The following BYSL variants were observed in gnomAD, a reference collection of about 807,000 sequenced individuals.
BYSL encodes the protein bystin like.
Under a neutral mutation model 45.4 loss-of-function variants are expected in BYSL, and 21 were observed. That is an observed-to-expected ratio of 0.46 (90% CI 0.33 to 0.67). BYSL has a LOEUF of 0.67. Ranked by LOEUF, BYSL falls within the 30% of genes least tolerant of loss-of-function variation. The pLI is 0.02. For synonymous variants in BYSL, 215 were observed against 231.3 expected, an observed-to-expected ratio of 0.93 and a Z score of 0.64; for missense variants, 522 against 578.5, an observed-to-expected ratio of 0.90 and a Z score of 1.00.
chr6:41,915,908 TGTA>T, the BYSL span, among the ~76,000 whole-genome samples: 1 of 152,182 alleles, frequency 6.6e-6, no homozygotes, highest in Non-Finnish European at 1.5e-5. Flanking sequence ...CTCATTAAGA[TGTA>T]TGCATTAGAT....
upstream of BYSL, chr6:41,921,230 G>C: frequency 1.5e-6 from 1 of 669,960 alleles, no homozygotes. Context: ...ATCATCTGCG[G>C]ATTCCCGCCC....
chr6:41,920,906 C>T, upstream of BYSL: 2 of 1,484,952 alleles, frequency 1.3e-6, no homozygotes, highest in Non-Finnish European at 1.8e-6. Flanking sequence ...CCGAGGACAT[C>T]TCCCTCAGCT....
intron 1 of BYSL, among the ~76,000 whole-genome samples, chr6:41,924,437 A>G (rs1775536081): frequency 6.6e-6 from 1 of 152,314 alleles, no homozygotes; most frequent in South Asian, 2.1e-4. Context: ...CCATTTAGAC[A>G]GGATTGGGTG....
upstream of BYSL, chr6:41,921,121 G>C (rs1214140560): frequency 5.4e-6 from 8 of 1,476,820 alleles, no homozygotes; most frequent in Admixed American, 1.6e-4. Flanking sequence ...TTCTGTCTCA[G>C]AAGGGACTCC....
intron 1 of BYSL, among the ~76,000 whole-genome samples, chr6:41,924,307 G>A (rs535046219): frequency 6.6e-6 from 1 of 151,948 alleles, no homozygotes; most frequent in South Asian, 2.1e-4. Flanking sequence ...CTGACCTCAG[G>A]TGATCCACCC....
At chr6:41,928,764 C>T (rs554862219) in intron 2 of BYSL, among the ~76,000 whole-genome samples, 1 of 152,168 alleles carries the variant, frequency 6.6e-6, no homozygotes, top group Non-Finnish European at 1.5e-5. Context: ...GAGTTTGACT[C>T]TTACCCCCAC....
At chr6:41,930,051 G>A in intron 2 of BYSL, 81 bp from the exon 3 acceptor site, 1 of 1,556,356 alleles carries the variant, frequency 6.4e-7, no homozygotes, top group Non-Finnish European at 8.8e-7. Flanking sequence ...AGGGGACTGT[G>A]GGGAGTCTGG....
the BYSL span, among the ~76,000 whole-genome samples, chr6:41,910,261 A>G: frequency 1.3e-5 from 2 of 152,220 alleles, no homozygotes; most frequent in Admixed American, 1.3e-4. Context: ...TCTCTAAAAT[A>G]TGAGTTTTCT....
chr6:41,930,005 C>T (rs1775614682), intron 2 of BYSL, 127 bp from the exon 3 acceptor site: 1 of 1,251,734 alleles, frequency 8.0e-7, no homozygotes, highest in Non-Finnish European at 1.1e-6. Context: ...CTCTAAGCTG[C>T]ATATCCCAGC....
At chr6:41,908,953 T>C in the BYSL span, 1 of 393,938 alleles carries the variant, frequency 2.5e-6, no homozygotes, top group Non-Finnish European at 4.5e-6. Flanking sequence ...GGGGCTGAGA[T>C]GGGAGGATCA....
chr6:41,926,490 C>T (rs1775565174), intron 1 of BYSL, among the ~76,000 whole-genome samples: 1 of 151,518 alleles, frequency 6.6e-6, no homozygotes, highest in Non-Finnish European at 1.5e-5. Context: ...CTCGCTTTGT[C>T]ACCAGGCTGG....
intron 3 of BYSL, 139 bp downstream of exon 3, chr6:41,930,409 G>A (rs1361949403): frequency 7.6e-7 from 1 of 1,311,332 alleles, no homozygotes; most frequent in Non-Finnish European, 1.0e-6. Context: ...GGCAGAGTGT[G>A]TGGGTTCAGA....
intron 1 of BYSL, among the ~76,000 whole-genome samples, chr6:41,925,253 G>A (rs925778996): frequency 1.3e-5 from 2 of 152,068 alleles, no homozygotes; most frequent in African/African-American, 4.8e-5. Flanking sequence ...TGTTGTTAAT[G>A]ACCTATTGAT....
chr6:41,926,261 ATG>A (rs1220085271), intron 1 of BYSL, among the ~76,000 whole-genome samples: 1 of 152,132 alleles, frequency 6.6e-6, no homozygotes, highest in Admixed American at 6.5e-5. Context: ...AAACCCGAAT[ATG>A]TGTAGAATAG....
Position 41,927,437 on chromosome 6 carries a change from C to T in BYSL, c.332C>T (p.Ala111Val), listed in dbSNP as rs764162534. Residue 111 changes from alanine to valine, a missense_variant, in exon 2 of 7, where the codon GCT becomes GTT. Coordinates refer to ENST00000230340, the MANE Select transcript of BYSL (RefSeq NM_004053.4). The stretch of plus-strand genomic sequence containing the variant: ...GAGGAGTGGCCCACCCTGGAGAAGG[C>T]TGCCACAATGACAGCAGCGGGCCAT... The part of the protein sequence containing the change: ...EDEEWPTLEK[A>V]ATMTAAGHHA... 6.8e-6 allele frequency: 11 copies of T among 1,614,080 alleles called. No homozygotes were observed. The Admixed American group carries it at 1.2e-4, about 17-fold the overall frequency.
chr6:41,921,950 G>A, intron 1 of BYSL, 120 bp downstream of exon 1: 1 of 1,376,486 alleles, frequency 7.3e-7, no homozygotes, highest in Non-Finnish European at 9.6e-7. Flanking sequence ...TATTACACTT[G>A]CAAAGGAGAC....
the BYSL span, among the ~76,000 whole-genome samples, chr6:41,910,684 T>C: frequency 6.6e-6 from 1 of 151,724 alleles, no homozygotes; most frequent in African/African-American, 2.4e-5. Flanking sequence ...GATTCCTCTT[T>C]CATACGCTAC....
At chr6:41,920,061 T>A (rs192990770), upstream of BYSL, among the ~76,000 whole-genome samples, 523 of 152,336 alleles carry the variant, frequency 3.4e-3, 2 homozygotes, top group Admixed American at 8.5e-3. Context: ...AAAAAAATGT[T>A]CTGGGACCTG....
At chr6:41,930,394 T>C in intron 3 of BYSL, 124 bp downstream of exon 3, 1 of 1,362,380 alleles carries the variant, frequency 7.3e-7, no homozygotes. Flanking sequence ...AAAACAGACC[T>C]AAGAGGCAGA....
Sources: gnomAD v4.1 joint callset for allele counts (sites outside exome capture counted in the v4.1 genomes callset) on GRCh38, gnomAD v4.1.1 for gene constraint, MANE v1.5 for transcripts, NCBI Gene and HGNC (gene_info 2026-07-23, HGNC 2026-07-21) for gene names.